TNS3: variants seen among roughly 807,000 people sequenced by gnomAD.
TNS3 encodes the protein tensin 3, also known as tensin-3.
Under a neutral mutation model 140.9 loss-of-function variants are expected in TNS3, and 45 were observed. That is an observed-to-expected ratio of 0.32 (90% CI 0.25 to 0.41). The LOEUF is 0.41. Among genes scored for constraint, TNS3 ranks in the 10% least tolerant of loss-of-function variants. TNS3 has a pLI of 1.00. For synonymous variants in TNS3, 815 were observed against 788.4 expected, an observed-to-expected ratio of 1.03 and a Z score of -0.56; for missense variants, 1,716 against 1,906.7, an observed-to-expected ratio of 0.90 and a Z score of 1.86.
chr7:47,506,824 C>A, intron 3 of TNS3, 83 bp downstream of exon 3: 2 of 1,107,694 alleles, frequency 1.8e-6, no homozygotes, highest in Admixed American at 2.7e-5. Flanking sequence ...GGCTGCAGTC[C>A]AAAGAGGCCC....
At chr7:47,509,009 T>C (rs1181368588) in intron 2 of TNS3, among the ~76,000 whole-genome samples, 1 of 152,212 alleles carries the variant, frequency 6.6e-6, no homozygotes, top group Non-Finnish European at 1.5e-5. Flanking sequence ...GTCACCTGTG[T>C]CCCAAATTCC....
At chr7:47,443,315 G>A (rs964485094) in intron 4 of TNS3, among the ~76,000 whole-genome samples, 2 of 152,268 alleles carry the variant, frequency 1.3e-5, no homozygotes, top group Middle Eastern at 3.4e-3. Flanking sequence ...GCCACTGCCC[G>A]TGCTGGGCAG....
intron 3 of TNS3, among the ~76,000 whole-genome samples, chr7:47,485,337 GC>G (rs968003552): frequency 5.9e-5 from 9 of 152,208 alleles, no homozygotes; most frequent in African/African-American, 2.2e-4. Flanking sequence ...TTTCTCTGTA[GC>G]CCTCACAATA....
intron 2 of TNS3, among the ~76,000 whole-genome samples, chr7:47,507,759 C>T (rs1322469383): frequency 1.3e-5 from 2 of 152,186 alleles, no homozygotes; most frequent in Non-Finnish European, 2.9e-5. Flanking sequence ...GAAGCAACAA[C>T]ACCTAATAAT....
intron 20 of TNS3, among the ~76,000 whole-genome samples, chr7:47,338,458 T>A (rs1788757090): frequency 6.6e-6 from 1 of 152,246 alleles, no homozygotes; most frequent in African/African-American, 2.4e-5. Context: ...CACGTGCTCA[T>A]AAGCCACCTC....
intron 12 of TNS3, among the ~76,000 whole-genome samples, chr7:47,412,341 G>T (rs939577563): frequency 6.6e-6 from 1 of 152,218 alleles, no homozygotes; most frequent in African/African-American, 2.4e-5. Flanking sequence ...TGCAAAGGAG[G>T]CTAGACATGG....
chr7:47,318,872 T>C (rs1259017591), intron 20 of TNS3, among the ~76,000 whole-genome samples: 2 of 152,254 alleles, frequency 1.3e-5, no homozygotes, highest in Middle Eastern at 3.2e-3. Flanking sequence ...TCCAAGTCTT[T>C]AGTCCGCAGA....
At chr7:47,521,242 A>G (rs1363828892) in intron 2 of TNS3, among the ~76,000 whole-genome samples, 1 of 152,080 alleles carries the variant, frequency 6.6e-6, no homozygotes, top group South Asian at 2.1e-4. Flanking sequence ...GCTCCCAAGG[A>G]GGCTGCAAAT....
chr7:47,537,201 C>T (rs1003180902), intron 1 of TNS3, among the ~76,000 whole-genome samples: 2 of 152,144 alleles, frequency 1.3e-5, no homozygotes, highest in South Asian at 4.1e-4. Flanking sequence ...GGATGCCTCC[C>T]GAGTCCCCTG....
chr7:47,475,778 G>A (rs2964948), intron 4 of TNS3, among the ~76,000 whole-genome samples: 3 of 152,178 alleles, frequency 2.0e-5, no homozygotes, highest in Non-Finnish European at 4.4e-5. Flanking sequence ...GCCACCATTC[G>A]GACCACTGTT....
intron 17 of TNS3, among the ~76,000 whole-genome samples, chr7:47,347,190 G>A (rs1050846516): frequency 1.3e-5 from 2 of 152,220 alleles, no homozygotes; most frequent in Non-Finnish European, 2.9e-5. Context: ...GTCCCTGTAA[G>A]TGTAGAGTGC....
At chr7:47,511,718 GC>G (rs1367718342) in intron 2 of TNS3, among the ~76,000 whole-genome samples, 1 of 152,050 alleles carries the variant, frequency 6.6e-6, no homozygotes, top group African/African-American at 2.4e-5. Context: ...TCTGGCGAAG[GC>G]CTTCCCACTC....
At chr7:47,434,888 A>G (rs834591) in intron 8 of TNS3, among the ~76,000 whole-genome samples, 1 of 152,132 alleles carries the variant, frequency 6.6e-6, no homozygotes, top group African/African-American at 2.4e-5. Context: ...ACTGATTACC[A>G]TAACTCAAGA....
intron 4 of TNS3, among the ~76,000 whole-genome samples, chr7:47,477,964 G>A (rs1363967440): frequency 6.6e-6 from 1 of 152,112 alleles, no homozygotes; most frequent in Non-Finnish European, 1.5e-5. Context: ...TCCATGCCAG[G>A]AGGAAGACAG....
chr7:47,556,982 G>GC (rs947642034), intron 1 of TNS3: 7 of 454,886 alleles, frequency 1.5e-5, no homozygotes, highest in Non-Finnish European at 3.1e-5. Flanking sequence ...ACCAAGCCAT[G>GC]CCCCCCACAG....
At chr7:47,348,777 A>G (rs908925546) in intron 17 of TNS3, among the ~76,000 whole-genome samples, 2 of 152,186 alleles carry the variant, frequency 1.3e-5, no homozygotes, top group East Asian at 1.9e-4. Flanking sequence ...CTCAGGCCTG[A>G]GGTTGGAAAC....
At chr7:47,446,367 A>G (rs1799384) in intron 4 of TNS3, among the ~76,000 whole-genome samples, 92,836 of 152,052 alleles carry the variant, frequency 0.61, 28,816 homozygotes, top group South Asian at 0.74. Context: ...AAGCCTTCCC[A>G]AGCTGTGGTT....
At chr7:47,471,265 T>C (rs1410436536) in intron 4 of TNS3, among the ~76,000 whole-genome samples, 1 of 152,162 alleles carries the variant, frequency 6.6e-6, no homozygotes, top group Admixed American at 6.5e-5. Context: ...CACAGGGTCA[T>C]GATGGCCTCA....
At chr7:47,527,023 G>C (rs1799218109) in intron 2 of TNS3, among the ~76,000 whole-genome samples, 1 of 151,770 alleles carries the variant, frequency 6.6e-6, no homozygotes. Flanking sequence ...ACAAGTTCAG[G>C]AGATGGAGAC....
Sources: gnomAD v4.1 joint callset for allele counts (sites outside exome capture counted in the v4.1 genomes callset) on GRCh38, gnomAD v4.1.1 for gene constraint, MANE v1.5 for transcripts, NCBI Gene and HGNC (gene_info 2026-07-23, HGNC 2026-07-21) for gene names.